Variants in NSUN2 observed in about 807,000 individuals in gnomAD.
The protein encoded by NSUN2 is NOP2/Sun RNA methyltransferase 2, also known as RNA cytosine C(5)-methyltransferase NSUN2.
A neutral mutation model predicts 92.7 loss-of-function variants in NSUN2; 63 were observed. The ratio of observed to expected loss-of-function variants is 0.68; its 90% CI spans 0.56 to 0.84. The LOEUF (loss-of-function observed/expected upper bound fraction) is 0.84. Among genes scored for constraint, NSUN2 ranks in the 40% least tolerant of loss-of-function variants. The pLI is 0.00. For synonymous variants in NSUN2, 356 were observed against 348.3 expected (o/e 1.02, Z -0.25); for missense variants, 989 against 964.9 (o/e 1.02, Z -0.33).
intron 11 of NSUN2, 69 bp from the exon 12 acceptor site, chr5:6,609,991 T>C (rs781199308): frequency 3.8e-6 from 4 of 1,056,252 alleles, no homozygotes; most frequent in Non-Finnish European, 2.8e-6. Context: ...TTAAGACAAA[T>C]ACCGCAAAGA....
At chr5:6,630,855 G>A (rs149203395) in intron 3 of NSUN2, among the ~76,000 whole-genome samples, 1 of 152,322 alleles carries the variant, frequency 6.6e-6, no homozygotes, top group African/African-American at 2.4e-5. Flanking sequence ...AGCACTTTGG[G>A]AGGCCGAGGT....
chr5:6,624,531 T>C (rs1737574882), intron 4 of NSUN2, among the ~76,000 whole-genome samples: 2 of 152,230 alleles, frequency 1.3e-5, no homozygotes, highest in Non-Finnish European at 2.9e-5. Context: ...CCACGCTCTC[T>C]TCCAAGTGCA....
chr5:6,621,202 C>G (rs1286496736), intron 6 of NSUN2: 1 of 152,140 alleles, frequency 6.6e-6, no homozygotes, highest in African/African-American at 2.4e-5. Context: ...TCCTGAGCAC[C>G]TCGCAAGCTA....
At chr5:6,609,997 A>G in intron 11 of NSUN2, 75 bp from the exon 12 acceptor site, 2 of 998,772 alleles carry the variant, frequency 2.0e-6, no homozygotes, top group Non-Finnish European at 3.0e-6. Flanking sequence ...CAAATACCGC[A>G]AAGATGATAC....
rs1737539856 is a variant in NSUN2 at position 6,623,398 on chromosome 5, CA to C, written c.466-114del. 3.6e-6 allele frequency: 3 copies of C among 839,956 alleles called. No individual in the cohort carries two copies. In the Admixed American group the frequency reaches 8.7e-5, roughly 24 times the overall value. 52.0% of individuals were successfully genotyped at this position (839,956 alleles called of 1,614,324 possible). A position where few individuals can be genotyped will look rare whatever the true frequency, so the allele number is the denominator to read the frequency against. On this transcript the variant is annotated intron_variant, in intron 4 of 18. Transcript: ENST00000264670. ...CAGGAAAACAGCACATAATCTTATA[CA>C]GAATGAGAGAACTCATACTATCACA...
At chr5:6,629,266 C>G (rs551085780) in intron 3 of NSUN2, among the ~76,000 whole-genome samples, 1 of 152,330 alleles carries the variant, frequency 6.6e-6, no homozygotes, top group Non-Finnish European at 1.5e-5. Context: ...TATACCCAGA[C>G]ACATTGTTAA....
chr5:6,604,859 C>T (rs1168847983), intron 15 of NSUN2, 174 bp from the exon 16 acceptor site: 4 of 624,702 alleles, frequency 6.4e-6, no homozygotes, highest in Admixed American at 5.7e-5. Context: ...GTGATTACGT[C>T]GTTTGGAGGA....
intron 5 of NSUN2, among the ~76,000 whole-genome samples, chr5:6,622,430 C>T (rs191554465): frequency 5.1e-4 from 78 of 152,324 alleles, no homozygotes; most frequent in African/African-American, 1.9e-3. Flanking sequence ...CAGTTAACAG[C>T]TCCGTAACCT....
intron 4 of NSUN2, 46 bp from the exon 5 acceptor site, chr5:6,623,331 A>T: frequency 2.0e-6 from 3 of 1,529,846 alleles, no homozygotes; most frequent in Non-Finnish European, 2.6e-6. Context: ...AAAAAAAAAA[A>T]ACCGCAGACA....
Position 6,617,968 on chromosome 5 carries a change from T to C in NSUN2, c.872A>G (p.Asn291Ser), listed in dbSNP as rs746177273. ...IDVWKKWTTL[N>S]SLQLHGLQLR... is the part of the protein sequence containing the mutation. Reference sequence around the variant, plus strand: ...TACTTACCCATGTAGCTGCAAGCTATTTAAGGTGGTCCACTTTTTCCAAAC... The same window carrying C: ...TACTTACCCATGTAGCTGCAAGCTACTTAAGGTGGTCCACTTTTTCCAAAC... The change falls in exon 8 of 19, where the codon AAT (asparagine) becomes AGT (serine). Residue 291 changes from asparagine to serine, a missense_variant. Transcript: ENST00000264670. 1.4e-5 allele frequency: 22 copies of C among 1,613,492 alleles called. No individual in the cohort carries two copies. The East Asian group carries it at 3.8e-4, about 28-fold the overall frequency.
chr5:6,610,827 T>A (rs1579361745), intron 11 of NSUN2, 128 bp downstream of exon 11: 1 of 1,118,594 alleles, frequency 8.9e-7, no homozygotes, highest in Non-Finnish European at 1.3e-6. Flanking sequence ...GGGTTGACCC[T>A]GGCATAACCC....
chr5:6,610,850 A>C, intron 11 of NSUN2, 105 bp downstream of exon 11: 1 of 1,372,096 alleles, frequency 7.3e-7, no homozygotes. Flanking sequence ...GCCTCACAGC[A>C]ATGTCACCTG....
intron 6 of NSUN2, 84 bp downstream of exon 6, chr5:6,621,932 A>G (rs555057782): frequency 5.1e-6 from 6 of 1,187,574 alleles, no homozygotes; most frequent in Non-Finnish European, 6.2e-6. Context: ...GAGCCAAATT[A>G]GCAGGCAAAG....
intron 12 of NSUN2, among the ~76,000 whole-genome samples, chr5:6,608,198 AC>A (rs1179027553): frequency 6.6e-6 from 1 of 152,096 alleles, no homozygotes; most frequent in East Asian, 1.9e-4. Flanking sequence ...AAACAGATGA[AC>A]CCCAAGCCTG....
intron 3 of NSUN2, among the ~76,000 whole-genome samples, chr5:6,625,881 A>G (rs956111805): frequency 1.3e-5 from 2 of 152,188 alleles, no homozygotes; most frequent in Non-Finnish European, 2.9e-5. Context: ...GCCCAATCAG[A>G]AACAGGAGAG....
chr5:6,620,089 G>A lies in NSUN2; in HGVS notation c.815+17C>T. The A allele has an allele frequency of 6.5e-7, 1 of 1,528,176 alleles. No individual in the cohort carries two copies. The highest frequency in any genetic ancestry group is 8.8e-7 in the Non-Finnish European group (1 of 1,136,772). 94.7% of individuals were successfully genotyped at this position (1,528,176 alleles called of 1,614,324 possible). ...TTCTTTAGTGGATTTGGGCTTTTTG[G>A]CCAATAAGATAAATACCTGCAAGGG... On this transcript the variant is annotated intron_variant, in intron 7 of 18. Transcript: ENST00000264670.
At position 6,604,116 on chromosome 5, in the gene NSUN2, CTA is replaced by C. The variant is rs762785526; in HGVS notation, c.1957+20_1957+21del. ...TATAAAGGGAATACAAGTTATGTCT[CTA>C]TGCATTTCCAACTACTCACCCAGGT... is the stretch of plus-strand genomic sequence containing the variant. On this transcript the variant is annotated intron_variant, in intron 17 of 18. Coordinates refer to ENST00000264670, the MANE Select transcript of NSUN2 (RefSeq NM_017755.6). 23 of 1,606,834 alleles carry C rather than the reference CTA, an allele frequency of 1.4e-5. No homozygotes were observed. Among genetic ancestry groups the C allele is most frequent in the South Asian group, 1.2e-4 (11 of 89,704 alleles).
At chr5:6,618,737 T>C (rs1737318278) in intron 7 of NSUN2, among the ~76,000 whole-genome samples, 1 of 152,232 alleles carries the variant, frequency 6.6e-6, no homozygotes, top group Admixed American at 6.5e-5. Flanking sequence ...TATTTTCATG[T>C]TTTTGTTAAT....
At chr5:6,614,543 C>T (rs1338956187) in intron 9 of NSUN2, among the ~76,000 whole-genome samples, 1 of 152,126 alleles carries the variant, frequency 6.6e-6, no homozygotes, top group Non-Finnish European at 1.5e-5. Context: ...AATGATGGTT[C>T]CCCACTGCTG....
Sources: allele counts gnomAD v4.1 joint callset (sites outside exome capture counted in the v4.1 genomes callset), GRCh38; gene constraint gnomAD v4.1.1; transcripts MANE v1.5; gene names NCBI Gene and HGNC (gene_info 2026-07-23, HGNC 2026-07-21).